Variants in PEPD observed in about 807,000 individuals in gnomAD.
PEPD encodes the protein peptidase D.
Under a neutral mutation model 60.7 loss-of-function variants are expected in PEPD, and 53 were observed. The observed-to-expected ratio is 0.87, with a 90% CI of 0.70 to 1.10. The LOEUF (loss-of-function observed/expected upper bound fraction) is 1.10. Ranked by LOEUF, PEPD falls within the 50% of genes least tolerant of loss-of-function variation. The pLI, the probability that PEPD is intolerant of heterozygous loss-of-function variation, is 0.00. For synonymous variants in PEPD, 267 were observed against 284.1 expected (o/e 0.94, Z 0.60); for missense variants, 711 against 711.9 (o/e 1.00, Z 0.01).
rs146195250 is a variant in PEPD at position 33,505,296 on chromosome 19, G to C, written c.330-4295C>G. Reference sequence around the variant, plus strand: ...CGGCATTTGCTCTGCGGTGGAAGCCGGCAGCCATCTGAGGATGTTAGCTGG... The same window carrying C: ...CGGCATTTGCTCTGCGGTGGAAGCCCGCAGCCATCTGAGGATGTTAGCTGG... On this transcript the variant is annotated intron_variant, in intron 3 of 14. Transcript: ENST00000244137. 9.6e-3 allele frequency among the ~76,000 whole-genome samples: 1,466 copies of C among 152,172 alleles called. 19 individuals are homozygous for C. The highest frequency in any genetic ancestry group is 0.027 in the South Asian group (128 of 4,820).
chr19:33,460,496 C>T (rs1449616676), intron 9 of PEPD, among the ~76,000 whole-genome samples: 1 of 152,180 alleles, frequency 6.6e-6, no homozygotes, highest in Admixed American at 6.5e-5. Flanking sequence ...CACCCATCTT[C>T]CCACCATCTT....
chr19:33,452,691 C>A (rs1969719566), intron 9 of PEPD, among the ~76,000 whole-genome samples: 2 of 152,102 alleles, frequency 1.3e-5, no homozygotes, highest in African/African-American at 4.8e-5. Flanking sequence ...AATGTAAAAT[C>A]TTTGATGAAA....
intron 9 of PEPD, among the ~76,000 whole-genome samples, chr19:33,431,469 A>G (rs548115134): frequency 6.6e-6 from 1 of 152,190 alleles, no homozygotes; most frequent in Non-Finnish European, 1.5e-5. Flanking sequence ...TCCTCTCTTC[A>G]TTCCGCCCAA....
At chr19:33,422,492 C>CG (rs1969040789) in intron 9 of PEPD, among the ~76,000 whole-genome samples, 1 of 151,816 alleles carries the variant, frequency 6.6e-6, no homozygotes, top group Non-Finnish European at 1.5e-5. Context: ...TATCATCCAT[C>CG]TACCCATCCA....
Position 33,500,980 on chromosome 19 carries a change from G to A in PEPD, c.351C>T (p.Phe117=), listed in dbSNP as rs374573875. 6.2e-7 allele frequency: 1 copy of A among 1,603,932 alleles called. No homozygotes were observed. Among genetic ancestry groups the A allele is most frequent in the African/African-American group, 1.3e-5 (1 of 74,706 alleles). ...CGTCGTCCACGGCATACTTCTCCTT[G>A]AAGTGCTCCTTGGAATGGATCCTCA... The part of the protein sequence containing the change: ...WMGKIHSKEH[F]KEKYAVDDVQ... Residue 117 remains phenylalanine, a synonymous_variant, in exon 4 of 15, where the codon TTC becomes TTT. Coordinates refer to ENST00000244137, the MANE Select transcript of PEPD (RefSeq NM_000285.4).
intron 9 of PEPD, among the ~76,000 whole-genome samples, chr19:33,425,569 G>A (rs1969128252): frequency 6.6e-6 from 1 of 152,146 alleles, no homozygotes; most frequent in Non-Finnish European, 1.5e-5. Context: ...TACCCCACTA[G>A]CATATTTCCT....
At position 33,387,666 on chromosome 19, in the gene PEPD, C is replaced by T. The variant is rs553236372; in HGVS notation, c.1345-185G>A. The stretch of plus-strand genomic sequence containing the variant: ...TGTCACCTGCTCACCCTGTCTTTGC[C>T]AGGTGGATGGGAGCCCCTGGAGCGG... On this transcript the variant is annotated intron_variant, in intron 14 of 14. Coordinates refer to ENST00000244137, the MANE Select transcript of PEPD (RefSeq NM_000285.4). 23 of 842,986 alleles carry T rather than the reference C, an allele frequency of 2.7e-5. No homozygotes were observed. In the African/African-American group the frequency reaches 3.3e-4, roughly 12 times the overall value. The allele number at this position is 842,986 out of a possible 1,614,324, so 52.2% of individuals were successfully genotyped here.
chr19:33,453,482 G>A (rs1969737919), intron 9 of PEPD, among the ~76,000 whole-genome samples: 1 of 152,302 alleles, frequency 6.6e-6, no homozygotes, highest in African/African-American at 2.4e-5. Context: ...CCTGCGTTTA[G>A]CAAGCCTACT....
At position 33,516,325 on chromosome 19, in the gene PEPD, T is replaced by C. The variant is rs186056110; in HGVS notation, c.18-3549A>G. ...CTTTTGTTAACTGGCACCCAGAATT[T>C]AAAAGGCAAAAGCCATTATCATCCC... is the stretch of plus-strand genomic sequence containing the variant. On this transcript the variant is annotated intron_variant, in intron 1 of 14. Coordinates refer to ENST00000244137, the MANE Select transcript of PEPD (RefSeq NM_000285.4). Among the ~76,000 whole-genome samples, 9 of 152,228 alleles carry C rather than the reference T, an allele frequency of 5.9e-5. No homozygotes were observed. The East Asian group carries it at 1.7e-3, about 29-fold the overall frequency.
intron 7 of PEPD, among the ~76,000 whole-genome samples, chr19:33,466,544 A>G (rs1407546966): frequency 6.6e-6 from 1 of 152,222 alleles, no homozygotes; most frequent in Non-Finnish European, 1.5e-5. Context: ...CACCAACACA[A>G]GCGAACAACC....
intron 7 of PEPD, among the ~76,000 whole-genome samples, chr19:33,474,640 T>C (rs1970183516): frequency 1.3e-5 from 2 of 151,998 alleles, no homozygotes; most frequent in African/African-American, 4.8e-5. Context: ...GCCAAGATCA[T>C]GCCATTGTAC....
intron 13 of PEPD, chr19:33,389,032 C>CCAGG (rs1968148920): frequency 6.6e-6 from 1 of 152,416 alleles, no homozygotes; most frequent in South Asian, 2.1e-4. Context: ...CACTCCCTCC[C>CCAGG]CAGGAAGCCC....
intron 6 of PEPD, among the ~76,000 whole-genome samples, chr19:33,485,549 A>C (rs1755352930): frequency 6.6e-6 from 1 of 151,900 alleles, no homozygotes; most frequent in Admixed American, 6.5e-5. Flanking sequence ...CCAAGTTAAC[A>C]GTAACCAGAA....
Position 33,466,924 on chromosome 19 carries a change from G to A in PEPD, c.549-2862C>T, listed in dbSNP as rs543569378. On this transcript the variant is annotated intron_variant, in intron 7 of 14. Transcript: ENST00000244137. ...TGTAATCCCAGCACTTTGGGAGGCCGAGGCGGGCAGATCACGAGGTCAGGA... is the reference window on the plus strand; with the variant it reads ...TGTAATCCCAGCACTTTGGGAGGCCAAGGCGGGCAGATCACGAGGTCAGGA... 1.4e-4 allele frequency among the ~76,000 whole-genome samples: 22 copies of A among 152,076 alleles called. No individual in the cohort carries two copies. The South Asian group carries it at 2.1e-3, about 14-fold the overall frequency.
chr19:33,463,870 C>A, intron 8 of PEPD, 117 bp downstream of exon 8: 1 of 735,204 alleles, frequency 1.4e-6, no homozygotes, highest in Non-Finnish European at 2.5e-6. Flanking sequence ...AACTTCCTAC[C>A]TCTCACTTGG....
chr19:33,413,717 C>G, intron 9 of PEPD, 74 bp from the exon 10 acceptor site: 1 of 889,608 alleles, frequency 1.1e-6, no homozygotes, highest in Non-Finnish European at 1.8e-6. Context: ...CCATGAACCC[C>G]AAGGGAAGGC....
At chr19:33,480,314 T>C (rs1469332798) in intron 6 of PEPD, among the ~76,000 whole-genome samples, 1 of 152,182 alleles carries the variant, frequency 6.6e-6, no homozygotes, top group African/African-American at 2.4e-5. Context: ...AGAAGGGCAT[T>C]TTATAACGAT....
chr19:33,434,722 G>T (rs1568469525), intron 9 of PEPD, among the ~76,000 whole-genome samples: 1 of 152,116 alleles, frequency 6.6e-6, no homozygotes, highest in Non-Finnish European at 1.5e-5. Context: ...GCCACCCAGG[G>T]TGTCCAAATC....
intron 4 of PEPD, among the ~76,000 whole-genome samples, chr19:33,495,447 G>A (rs572715729): frequency 6.8e-4 from 102 of 150,102 alleles, no homozygotes; most frequent in Non-Finnish European, 1.0e-3. Context: ...GCAGTGAGCC[G>A]AGATCATGCC....
Sources: allele counts gnomAD v4.1 joint callset (sites outside exome capture counted in the v4.1 genomes callset), GRCh38; gene constraint gnomAD v4.1.1; transcripts MANE v1.5; gene names NCBI Gene and HGNC (gene_info 2026-07-23, HGNC 2026-07-21).